Variants in SORCS1 observed in about 807,000 individuals in gnomAD.
The protein encoded by SORCS1 is sortilin related VPS10 domain containing receptor 1, also known as VPS10 domain-containing receptor SorCS1.
A neutral mutation model predicts 146.1 loss-of-function variants in SORCS1; 60 were observed. That is an observed-to-expected ratio of 0.41 (90% CI 0.33 to 0.51). The LOEUF is 0.51. Ranked by LOEUF, SORCS1 falls within the 20% of genes least tolerant of loss-of-function variation. The probability of loss-of-function intolerance (pLI) is 0.21; values close to 1 mark genes in which losing one functional copy is unlikely to be tolerated. For synonymous variants in SORCS1, 637 were observed against 584.0 expected (o/e 1.09, Z -1.31); for missense variants, 1,352 against 1,487.6 (o/e 0.91, Z 1.50).
chr10:106,982,552 TA>T (rs1220257566), intron 1 of SORCS1, among the ~76,000 whole-genome samples: 1 of 152,190 alleles, frequency 6.6e-6, no homozygotes, highest in Non-Finnish European at 1.5e-5. Context: ...ACCAAACTAT[TA>T]CCATTTCCAG....
At chr10:106,809,984 G>A (rs756973387) in intron 3 of SORCS1, among the ~76,000 whole-genome samples, 15 of 152,172 alleles carry the variant, frequency 9.9e-5, no homozygotes, top group African/African-American at 1.4e-4. Context: ...ATTTCGGAAG[G>A]CAGAGGCGGG....
rs117589317 is a variant in SORCS1 at position 107,095,287 on chromosome 10, T to C, written c.558+68682A>G. ...GAAACAGAAGGCAATCTGTCTCATCTACAGTTGCATCAGACACAGAGTCAA... is the reference window on the plus strand; with the variant it reads ...GAAACAGAAGGCAATCTGTCTCATCCACAGTTGCATCAGACACAGAGTCAA... On this transcript the variant is annotated intron_variant, in intron 1 of 25. Coordinates refer to ENST00000263054, the MANE Select transcript of SORCS1 (RefSeq NM_052918.5). Among the ~76,000 whole-genome samples, 1,411 of 152,326 alleles carry C rather than the reference T, an allele frequency of 9.3e-3. 18 individuals are homozygous for C. The highest frequency in any genetic ancestry group is 0.01 in the Non-Finnish European group (700 of 68,022).
intron 2 of SORCS1, among the ~76,000 whole-genome samples, chr10:106,934,683 T>G (rs1462407690): frequency 1.3e-5 from 2 of 151,982 alleles, no homozygotes; most frequent in Non-Finnish European, 2.9e-5. Context: ...AACGATTGAG[T>G]GTATAAAGAA....
chr10:106,651,509 A>G (rs1849863377), intron 18 of SORCS1, among the ~76,000 whole-genome samples: 1 of 152,186 alleles, frequency 6.6e-6, no homozygotes, highest in Non-Finnish European at 1.5e-5. Context: ...TATACATGGT[A>G]AAAACTGAGG....
intron 2 of SORCS1, among the ~76,000 whole-genome samples, chr10:106,849,884 C>T (rs1268914040): frequency 1.3e-5 from 2 of 152,090 alleles, no homozygotes; most frequent in Admixed American, 6.6e-5. Context: ...GGGTGCCTCC[C>T]AGTTAGGCTG....
At chr10:106,943,951 T>C (rs1212638678) in intron 2 of SORCS1, among the ~76,000 whole-genome samples, 1 of 152,016 alleles carries the variant, frequency 6.6e-6, no homozygotes, top group Non-Finnish European at 1.5e-5. Flanking sequence ...TCATTGCAGA[T>C]ATGTTTCTCC....
At chr10:107,095,843 G>A (rs1265108903) in intron 1 of SORCS1, among the ~76,000 whole-genome samples, 1 of 152,070 alleles carries the variant, frequency 6.6e-6, no homozygotes, top group African/African-American at 2.4e-5. Flanking sequence ...AGGTGATTCA[G>A]CTAAAATATT....
At chr10:107,021,500 C>T (rs7907501) in intron 1 of SORCS1, among the ~76,000 whole-genome samples, 9,176 of 110,788 alleles carry the variant, frequency 0.083, 1,101 homozygotes, top group African/African-American at 0.29. Flanking sequence ...GGCAACAGAG[C>T]GACACTCCGT....
upstream of SORCS1, among the ~76,000 whole-genome samples, chr10:107,165,174 A>G (rs1288448319): frequency 6.6e-6 from 1 of 151,740 alleles, no homozygotes; most frequent in African/African-American, 2.4e-5. This position sits in a 1 kb window ranked among gnomAD's most constrained non-coding sequence, Gnocchi z 4.0. Flanking sequence ...TCCCTCTCTT[A>G]TGCTTCCTGA....
intron 1 of SORCS1, among the ~76,000 whole-genome samples, chr10:107,087,772 C>T (rs1013728058): frequency 2.6e-5 from 4 of 152,130 alleles, no homozygotes; most frequent in East Asian, 1.9e-4. Flanking sequence ...AATTAATAGC[C>T]GAGGAGGGAA....
At chr10:106,611,591 T>C (rs1200863852) in intron 22 of SORCS1, among the ~76,000 whole-genome samples, 2 of 152,196 alleles carry the variant, frequency 1.3e-5, no homozygotes, top group African/African-American at 4.8e-5. Flanking sequence ...AATGGCCTAA[T>C]TGTGAACTCT....
intron 1 of SORCS1, among the ~76,000 whole-genome samples, chr10:107,140,861 G>A (rs1403740550): frequency 6.6e-6 from 1 of 152,162 alleles, no homozygotes; most frequent in Non-Finnish European, 1.5e-5. Context: ...TTTTATGAAT[G>A]ATGAAATGAT....
intron 1 of SORCS1, among the ~76,000 whole-genome samples, chr10:106,973,312 G>T (rs972555392): frequency 6.6e-6 from 1 of 152,168 alleles, no homozygotes. Flanking sequence ...TGCAGGAATG[G>T]GTAAGTATGT....
intron 25 of SORCS1, chr10:106,578,744 C>A (rs1844714646): frequency 3.6e-6 from 4 of 1,107,414 alleles, no homozygotes; most frequent in Non-Finnish European, 4.4e-6. Flanking sequence ...CTCTGGTCCA[C>A]CAGCCTTAGC....
At chr10:106,893,071 T>C (rs999855361) in intron 2 of SORCS1, among the ~76,000 whole-genome samples, 4 of 137,606 alleles carry the variant, frequency 2.9e-5, no homozygotes, top group South Asian at 2.2e-4. Context: ...GTTTTTTGTA[T>C]TTTTTTTTTT....
At chr10:106,864,338 G>A (rs1455560522) in intron 2 of SORCS1, among the ~76,000 whole-genome samples, 2 of 152,102 alleles carry the variant, frequency 1.3e-5, no homozygotes, top group Non-Finnish European at 2.9e-5. Flanking sequence ...GCGGGTGAGT[G>A]TGTGACTCTG....
At chr10:106,917,691 C>T (rs1952512437) in intron 2 of SORCS1, among the ~76,000 whole-genome samples, 1 of 152,176 alleles carries the variant, frequency 6.6e-6, no homozygotes, top group African/African-American at 2.4e-5. Flanking sequence ...AAATCTGCCC[C>T]TGACACCCTG....
At chr10:106,925,894 C>G (rs928916215) in intron 2 of SORCS1, among the ~76,000 whole-genome samples, 10 of 152,162 alleles carry the variant, frequency 6.6e-5, no homozygotes, top group South Asian at 2.1e-4. Flanking sequence ...TTATTGGGCT[C>G]TCTAAAACAG....
At chr10:106,659,022 T>C (rs1850518590) in intron 17 of SORCS1, among the ~76,000 whole-genome samples, 1 of 152,224 alleles carries the variant, frequency 6.6e-6, no homozygotes, top group Non-Finnish European at 1.5e-5. Flanking sequence ...CATTTATTCT[T>C]TAACTGGGAT....
Sources: gnomAD v4.1 joint callset for allele counts (sites outside exome capture counted in the v4.1 genomes callset) on GRCh38, gnomAD v4.1.1 for gene constraint, Gnocchi (gnomAD v3.1) non-coding constraint, MANE v1.5 for transcripts, NCBI Gene and HGNC (gene_info 2026-07-23, HGNC 2026-07-21) for gene names.